IL37: variants seen among roughly 807,000 people sequenced by gnomAD.
IL37 encodes the protein interleukin 37.
In IL37, 15 loss-of-function variants were observed where a neutral mutation model predicts 15.4. The ratio of observed to expected loss-of-function variants is 0.98; its 90% confidence interval spans 0.65 to 1.50. The LOEUF is 1.50. Ranked by LOEUF, IL37 falls within the 40% of genes most tolerant of loss-of-function variation. The pLI, the probability that IL37 is intolerant of heterozygous loss-of-function variation, is 0.00. For synonymous variants in IL37, 98 were observed against 97.4 expected (o/e 1.01, Z -0.03); for missense variants, 269 against 261.7 (o/e 1.03, Z -0.19).
chr2:112,914,388 C>T (rs1683252175), intron 3 of IL37, among the ~76,000 whole-genome samples: 1 of 152,160 alleles, frequency 6.6e-6, no homozygotes, highest in Non-Finnish European at 1.5e-5. Flanking sequence ...TAATAAGTGA[C>T]AGATGTGGAA....
rs1384507892 is a variant in IL37 at position 112,911,200 on chromosome 2, C to T, written c.-99C>T. Among the ~76,000 whole-genome samples, 1 of 152,226 alleles carries T rather than the reference C, an allele frequency of 6.6e-6. No homozygotes were observed. Among genetic ancestry groups the T allele is most frequent in the Non-Finnish European group, 1.5e-5 (1 of 68,042 alleles). ...TCCTGAGAACTGAAGGCAAACAGAG[C>T]TCCAGGAGTCCAAGACAGAGCCACA... On this transcript the variant is annotated 5_prime_UTR_variant, in exon 1 of 6. Transcript: ENST00000263326.
chr2:112,914,594 T>C (rs189215349), intron 3 of IL37, among the ~76,000 whole-genome samples: 50 of 152,308 alleles, frequency 3.3e-4, no homozygotes, highest in African/African-American at 9.6e-4. Context: ...CCTGGCACAG[T>C]TGGGGGAGGC....
Position 112,917,693 on chromosome 2 carries a change from G to T in IL37, c.324G>T (p.Pro108=), listed in dbSNP as rs150018952. ...LSSASAEKGS[P]ILLGVSKGEF... ...CAGCCTCTGCGGAGAAAGGAAGTCC[G>T]ATTCTCCTGGGGGTCTCTAAAGGGG... Residue 108 remains proline (P), a synonymous_variant, in exon 5 of 6, where the codon CCG becomes CCT. Coordinates refer to ENST00000263326, the MANE Select transcript of IL37 (RefSeq NM_014439.4). 7.4e-6 allele frequency: 12 copies of T among 1,611,180 alleles called. No individual in the cohort carries two copies. The highest frequency in any genetic ancestry group is 1.0e-5 in the Non-Finnish European group (12 of 1,178,932).
In IL37 at chr2:112,918,701, T is replaced by C; in HGVS notation, c.549T>C (p.Cys183=). ...PGWFICTSCN[C]NEPVGVTDKF... is the part of the protein sequence containing the mutation. ...GGTTCATCTGCACCTCCTGCAATTG[T>C]AATGAGCCTGTTGGGGTGACAGATA... is the stretch of plus-strand genomic sequence containing the variant. The change falls in exon 6 of 6, where the codon TGT becomes TGC. Residue 183 remains cysteine, a synonymous_variant. Coordinates refer to ENST00000263326, the MANE Select transcript of IL37 (RefSeq NM_014439.4). 6.2e-7 allele frequency: 1 copy of C among 1,614,176 alleles called. No individual in the cohort carries two copies. Among genetic ancestry groups the C allele is most frequent in the Non-Finnish European group, 8.5e-7 (1 of 1,180,030 alleles).
intron 3 of IL37, chr2:112,915,285 A>G (rs932005933): frequency 1.3e-6 from 2 of 1,595,128 alleles, no homozygotes; most frequent in Non-Finnish European, 1.7e-6. Flanking sequence ...ATGGTGCTAG[A>G]AAAGTAGCTT....
chr2:112,913,975 G>A, intron 3 of IL37, 121 bp downstream of exon 3: 1 of 769,386 alleles, frequency 1.3e-6, no homozygotes, highest in Non-Finnish European at 2.2e-6. Flanking sequence ...TAAGGGTGCT[G>A]GATGGGGCTG....
intron 5 of IL37, 61 bp downstream of exon 5, chr2:112,917,838 C>A: frequency 6.5e-7 from 1 of 1,537,910 alleles, no homozygotes; most frequent in South Asian, 1.1e-5. Flanking sequence ...GGCCAAGATC[C>A]TCAATGCCTC....
At chr2:112,914,267 T>C (rs968791140) in intron 3 of IL37, among the ~76,000 whole-genome samples, 2 of 152,180 alleles carry the variant, frequency 1.3e-5, no homozygotes. Context: ...CTTCCTCTCA[T>C]GCTGCCATTT....
At chr2:112,914,874 A>G (rs1683264642) in intron 3 of IL37, among the ~76,000 whole-genome samples, 1 of 152,296 alleles carries the variant, frequency 6.6e-6, no homozygotes, top group African/African-American at 2.4e-5. Context: ...AGGCCCCACC[A>G]CAGACCTCCT....
At position 112,917,132 on chromosome 2, in the gene IL37, C is replaced by G. The variant is rs2708943; in HGVS notation, c.149C>G (p.Pro50Arg). 0.077 allele frequency: 124,229 copies of G among 1,611,848 alleles called. 5,636 individuals carry two copies. The highest frequency in any genetic ancestry group is 0.17 in the African/African-American group (12,433 of 74,888). The change falls in exon 4 of 6, where the codon CCA becomes CGA. Residue 50 changes from proline (P) to arginine (R), a missense_variant. Transcript: ENST00000263326. ...ATATCTGGTGATATTGATCTAGGTC[C>G]AAAGGTGAAGAACTTAAACCCGAAG... ...LPTMNFVHTSPKVKNLNPKKF... is the reference protein window; with the variant it reads ...LPTMNFVHTSRKVKNLNPKKF...
intron 3 of IL37, chr2:112,915,289 G>T (rs767815271): frequency 1.9e-5 from 31 of 1,589,774 alleles, no homozygotes; most frequent in Non-Finnish European, 2.5e-5. Context: ...TGCTAGAAAA[G>T]TAGCTTCTTA....
intron 3 of IL37, among the ~76,000 whole-genome samples, chr2:112,914,447 C>G (rs1683253237): frequency 6.6e-6 from 1 of 152,164 alleles, no homozygotes; most frequent in Non-Finnish European, 1.5e-5. Context: ...CTTAAGGCTC[C>G]CATCACCTCC....
In IL37 at chr2:112,917,772, C is replaced by T; in HGVS notation, c.403C>T (p.Leu135=). Residue 135 remains leucine, a synonymous_variant, in exon 5 of 6, where the codon CTG becomes TTG. Coordinates refer to ENST00000263326, the MANE Select transcript of IL37 (RefSeq NM_014439.4). ...AGGACAAAGTCATCCATCCCTTCAGCTGAAGGTGAGAGTTCTAGCTCAGTT... is the reference window on the plus strand; with the variant it reads ...AGGACAAAGTCATCCATCCCTTCAGTTGAAGGTGAGAGTTCTAGCTCAGTT... The part of the protein sequence containing the change: ...DKGQSHPSLQ[L]KKEKLMKLAA... 3 of 1,614,110 alleles carry T rather than the reference C, an allele frequency of 1.9e-6. No individual in the cohort carries two copies.
intron 3 of IL37, 106 bp from the exon 4 acceptor site, chr2:112,917,023 A>G: frequency 1.5e-6 from 2 of 1,293,162 alleles, no homozygotes; most frequent in Non-Finnish European, 2.2e-6. Context: ...GTCTGAGCCC[A>G]CAGGCAGGGT....
intron 2 of IL37, among the ~76,000 whole-genome samples, chr2:112,913,390 T>C (rs575839511): frequency 6.6e-6 from 1 of 152,272 alleles, no homozygotes; most frequent in Non-Finnish European, 1.5e-5. Flanking sequence ...ATGCACCTCT[T>C]CCCTCCCAAC....
At chr2:112,912,258 C>T (rs958441775) in intron 1 of IL37, among the ~76,000 whole-genome samples, 3 of 152,070 alleles carry the variant, frequency 2.0e-5, no homozygotes, top group Admixed American at 6.6e-5. Context: ...TGAAAGCTCT[C>T]GGTCAACTGA....
rs754688469 is a variant in IL37 at position 112,917,107 on chromosome 2, A to G, written c.146-22A>G. The G allele has an allele frequency of 1.6e-5, 25 of 1,612,638 alleles. No homozygotes were observed. The Admixed American group carries it at 4.0e-4, about 26-fold the overall frequency. On this transcript the variant is annotated intron_variant, in intron 3 of 5. Coordinates refer to ENST00000263326, the MANE Select transcript of IL37 (RefSeq NM_014439.4). ...CTTCCATTTTCAATGTGAAGTGTTG[A>G]TATCTGGTGATATTGATCTAGGTCC... is the stretch of plus-strand genomic sequence containing the variant.
intron 2 of IL37, among the ~76,000 whole-genome samples, chr2:112,913,494 G>A (rs1288857264): frequency 6.6e-6 from 1 of 152,154 alleles, no homozygotes; most frequent in Non-Finnish European, 1.5e-5. Context: ...AGTATTCCAT[G>A]AGGAACACAT....
At chr2:112,917,826 A>G (rs1481845478) in intron 5 of IL37, 49 bp downstream of exon 5, 1 of 1,599,444 alleles carries the variant, frequency 6.3e-7, no homozygotes, top group Admixed American at 1.7e-5. Context: ...CCCAAAGTAA[A>G]AGGCCAAGAT....
Sources: gnomAD v4.1 joint callset for allele counts (sites outside exome capture counted in the v4.1 genomes callset) on GRCh38, gnomAD v4.1.1 for gene constraint, MANE v1.5 for transcripts, NCBI Gene and HGNC (gene_info 2026-07-23, HGNC 2026-07-21) for gene names.